PPARGC1A: variants seen among roughly 807,000 people sequenced by gnomAD.
The protein encoded by PPARGC1A is PPARG coactivator 1 alpha.
A neutral mutation model predicts 88.7 loss-of-function variants in PPARGC1A; 25 were observed. The ratio of observed to expected loss-of-function variants is 0.28; its 90% CI spans 0.21 to 0.39. PPARGC1A has a LOEUF of 0.39. Among genes scored for constraint, PPARGC1A ranks in the 10% least tolerant of loss-of-function variants. The pLI, the probability that PPARGC1A is intolerant of heterozygous loss-of-function variation, is 1.00. For missense variants in PPARGC1A, 880 were observed against 968.7 expected (o/e 0.91, Z 1.22); for synonymous variants, 363 against 355.6 (o/e 1.02, Z -0.24).
At chr4:23,995,078 C>T in the PPARGC1A span, among the ~76,000 whole-genome samples, 3 of 152,064 alleles carry the variant, frequency 2.0e-5, no homozygotes, top group African/African-American at 7.2e-5. Context: ...CTTGTGGTGG[C>T]AAGTTCTAGT....
At chr4:24,141,043 A>G in the PPARGC1A span, among the ~76,000 whole-genome samples, 1 of 152,236 alleles carries the variant, frequency 6.6e-6, no homozygotes, top group Admixed American at 6.5e-5. Flanking sequence ...GGGAGTGCTA[A>G]TCACCAAACA....
chr4:23,982,154 A>C, the PPARGC1A span, among the ~76,000 whole-genome samples: 2 of 152,194 alleles, frequency 1.3e-5, no homozygotes, highest in Non-Finnish European at 2.9e-5. Flanking sequence ...TTCTTCTTCC[A>C]AAATGGGCTT....
the PPARGC1A span, among the ~76,000 whole-genome samples, chr4:24,212,732 G>C: frequency 1.3e-5 from 2 of 152,166 alleles, no homozygotes; most frequent in East Asian, 3.8e-4. Flanking sequence ...CCTGCTTCTA[G>C]AAAAGCCAGC....
chr4:24,005,689 C>T, the PPARGC1A span, among the ~76,000 whole-genome samples: 2 of 151,764 alleles, frequency 1.3e-5, no homozygotes, highest in Non-Finnish European at 2.9e-5. Flanking sequence ...GAACAAATGC[C>T]AAGAATGATG....
At chr4:23,919,367 A>G in the PPARGC1A span, among the ~76,000 whole-genome samples, 1 of 152,110 alleles carries the variant, frequency 6.6e-6, no homozygotes, top group Admixed American at 6.5e-5. Context: ...GGATCAATGT[A>G]TTAAAATACA....
the PPARGC1A span, among the ~76,000 whole-genome samples, chr4:24,087,684 C>T: frequency 6.6e-6 from 1 of 152,238 alleles, no homozygotes; most frequent in Admixed American, 6.5e-5. Flanking sequence ...GTGGCATAAG[C>T]CACTGCCATC....
At chr4:23,809,550 T>C (rs1720482919) in intron 10 of PPARGC1A, among the ~76,000 whole-genome samples, 1 of 152,172 alleles carries the variant, frequency 6.6e-6, no homozygotes, top group Non-Finnish European at 1.5e-5. Context: ...CCAGTAATCA[T>C]ACAATGCAGT....
chr4:24,289,003 C>T, the PPARGC1A span, among the ~76,000 whole-genome samples: 1 of 152,070 alleles, frequency 6.6e-6, no homozygotes, highest in Non-Finnish European at 1.5e-5. Context: ...GGGTGGATCA[C>T]GACGTCAGGA....
At chr4:24,254,521 A>C in the PPARGC1A span, among the ~76,000 whole-genome samples, 1 of 152,214 alleles carries the variant, frequency 6.6e-6, no homozygotes, top group Non-Finnish European at 1.5e-5. Flanking sequence ...ATGATCCTCA[A>C]CTTCCATGGC....
At chr4:24,347,137 A>G in the PPARGC1A span, among the ~76,000 whole-genome samples, 3 of 152,176 alleles carry the variant, frequency 2.0e-5, no homozygotes, top group Non-Finnish European at 2.9e-5. Context: ...AGTGCTTGAT[A>G]TAATTTCAAT....
chr4:24,025,193 T>G, the PPARGC1A span, among the ~76,000 whole-genome samples: 6 of 152,160 alleles, frequency 3.9e-5, no homozygotes, highest in Non-Finnish European at 7.4e-5. Context: ...CAATGAGATA[T>G]GCAGTGTCTT....
chr4:24,184,476 G>A, the PPARGC1A span, among the ~76,000 whole-genome samples: 1 of 152,294 alleles, frequency 6.6e-6, no homozygotes, highest in South Asian at 2.1e-4. Flanking sequence ...TGTGGGAGGT[G>A]CCTTAGTTTT....
chr4:24,426,414 A>G, the PPARGC1A span, among the ~76,000 whole-genome samples: 1 of 152,230 alleles, frequency 6.6e-6, no homozygotes, highest in East Asian at 1.9e-4. Context: ...CATACGAACA[A>G]AAACAGCAGC....
chr4:24,391,740 C>T, the PPARGC1A span, among the ~76,000 whole-genome samples: 6 of 152,272 alleles, frequency 3.9e-5, no homozygotes, highest in African/African-American at 1.4e-4. Flanking sequence ...AAAACAGCTG[C>T]CCAGCCCTCC....
the PPARGC1A span, among the ~76,000 whole-genome samples, chr4:24,296,026 G>GTATA: frequency 8.0e-6 from 1 of 124,560 alleles, no homozygotes; most frequent in South Asian, 2.7e-4. Context: ...ATATGTATAT[G>GTATA]TGTGTATATA....
the PPARGC1A span, among the ~76,000 whole-genome samples, chr4:24,322,818 C>G: frequency 2.0e-5 from 3 of 152,206 alleles, no homozygotes; most frequent in Non-Finnish European, 4.4e-5. Context: ...GGGACACCAG[C>G]TGTTTGCACA....
At chr4:24,143,913 C>T in the PPARGC1A span, among the ~76,000 whole-genome samples, 1 of 152,232 alleles carries the variant, frequency 6.6e-6, no homozygotes, top group Admixed American at 6.5e-5. Flanking sequence ...TCCAAGTTTG[C>T]TTCAAGCTTG....
the PPARGC1A span, among the ~76,000 whole-genome samples, chr4:24,446,738 A>G: frequency 6.6e-6 from 1 of 151,912 alleles, no homozygotes; most frequent in Non-Finnish European, 1.5e-5. Context: ...CTGGGATTAC[A>G]GGTGCCTGCT....
At chr4:24,328,882 C>A in the PPARGC1A span, among the ~76,000 whole-genome samples, 1 of 152,270 alleles carries the variant, frequency 6.6e-6, no homozygotes, top group East Asian at 1.9e-4. Flanking sequence ...TTCACGGGTG[C>A]TGGAAAATTA....
Sources: allele counts gnomAD v4.1 joint callset (sites outside exome capture counted in the v4.1 genomes callset), GRCh38; gene constraint gnomAD v4.1.1; transcripts MANE v1.5; gene names NCBI Gene and HGNC (gene_info 2026-07-23, HGNC 2026-07-21).